Variants in MACROD2 observed in about 807,000 individuals in gnomAD.
The protein encoded by MACROD2 is ADP-ribose glycohydrolase MACROD2.
In MACROD2, 36 loss-of-function variants were observed where a neutral mutation model predicts 70.4. That is an observed-to-expected ratio of 0.51 (90% CI 0.39 to 0.68). MACROD2 has a LOEUF of 0.68. Among genes scored for constraint, MACROD2 ranks in the 30% least tolerant of loss-of-function variants. The pLI is 0.00. For synonymous variants in MACROD2, 172 were observed against 178.8 expected, an observed-to-expected ratio of 0.96 and a Z score of 0.30; for missense variants, 496 against 538.4, an observed-to-expected ratio of 0.92 and a Z score of 0.78.
At chr20:15,999,675 A>G (rs1044423967) in intron 15 of MACROD2, among the ~76,000 whole-genome samples, 2 of 152,240 alleles carry the variant, frequency 1.3e-5, no homozygotes, top group Non-Finnish European at 2.9e-5. Context: ...ATAAATACAT[A>G]CAATTGTACA....
intron 5 of MACROD2, among the ~76,000 whole-genome samples, chr20:14,700,750 G>A (rs2071187657): frequency 6.6e-6 from 1 of 152,148 alleles, no homozygotes; most frequent in African/African-American, 2.4e-5. Context: ...GATGCATGCT[G>A]ATTTGGACTC....
intron 5 of MACROD2, among the ~76,000 whole-genome samples, chr20:14,743,458 C>T (rs867393909): frequency 1.1e-4 from 17 of 152,036 alleles, no homozygotes; most frequent in Non-Finnish European, 1.5e-5. Context: ...AGAGATACAA[C>T]AGTGCTGGCT....
chr20:14,479,049 C>T (rs80051196), intron 3 of MACROD2, among the ~76,000 whole-genome samples: 2,748 of 152,196 alleles, frequency 0.018, 71 homozygotes, highest in African/African-American at 0.062. Flanking sequence ...CCTCCCTCAC[C>T]AGCATCTCCC....
At chr20:14,118,643 C>T (rs900817606) in intron 3 of MACROD2, among the ~76,000 whole-genome samples, 2 of 152,136 alleles carry the variant, frequency 1.3e-5, no homozygotes, top group South Asian at 4.1e-4. Context: ...AGACAACTTA[C>T]ACAGACTTTT....
intron 9 of MACROD2, among the ~76,000 whole-genome samples, chr20:15,864,335 A>G (rs1300417788): frequency 6.6e-6 from 1 of 152,114 alleles, no homozygotes; most frequent in Non-Finnish European, 1.5e-5. Context: ...TGCTAATTAT[A>G]TTTTTAAATG....
intron 6 of MACROD2, among the ~76,000 whole-genome samples, chr20:15,296,348 A>G (rs2077588576): frequency 6.6e-6 from 1 of 152,184 alleles, no homozygotes; most frequent in African/African-American, 2.4e-5. Context: ...AATATGACTT[A>G]AAAGACATCC....
intron 5 of MACROD2, among the ~76,000 whole-genome samples, chr20:15,119,269 G>T (rs975394845): frequency 1.3e-5 from 2 of 152,064 alleles, no homozygotes; most frequent in African/African-American, 4.8e-5. Flanking sequence ...ACTTTATGTT[G>T]TATCTTTTCC....
intron 3 of MACROD2, among the ~76,000 whole-genome samples, chr20:14,292,926 C>T (rs545163881): frequency 1.1e-4 from 17 of 151,984 alleles, no homozygotes; most frequent in African/African-American, 3.4e-4. Context: ...TGAGCCACAG[C>T]GCCTGGCCTC....
chr20:15,307,053 C>G (rs1376924310), intron 6 of MACROD2, among the ~76,000 whole-genome samples: 1 of 152,060 alleles, frequency 6.6e-6, no homozygotes, highest in African/African-American at 2.4e-5. Flanking sequence ...AGGGCACAAA[C>G]TCATCCATAA....
At chr20:14,618,569 T>C (rs1672896291) in intron 4 of MACROD2, among the ~76,000 whole-genome samples, 1 of 152,096 alleles carries the variant, frequency 6.6e-6, no homozygotes, top group South Asian at 2.1e-4. Context: ...CAGTGGCATG[T>C]GGTGTAACGC....
chr20:15,426,423 CA>C lies in MACROD2; in HGVS notation c.541-4981del, dbSNP rs776363906. ...GTAGTGGTGGAATCATGGCTCACTG[CA>C]GCCTCAACATCCTGGGCTCAGGTGA... On this transcript the variant is annotated intron_variant, in intron 6 of 17. Coordinates refer to ENST00000684519, the MANE Select transcript of MACROD2 (RefSeq NM_001351661.2). Among the ~76,000 whole-genome samples the C allele has an allele frequency of 4.7e-3, 716 of 152,148 alleles. 2 individuals carry two copies. The highest frequency in any genetic ancestry group is 0.024 in the Middle Eastern group (7 of 294).
chr20:15,801,046 C>T (rs985506530), intron 8 of MACROD2, among the ~76,000 whole-genome samples: 10 of 150,198 alleles, frequency 6.7e-5, no homozygotes, highest in Non-Finnish European at 1.0e-4. Flanking sequence ...GGGACACAAA[C>T]ACTGCGGAAG....
intron 5 of MACROD2, among the ~76,000 whole-genome samples, chr20:15,068,724 G>A (rs563941469): frequency 6.6e-6 from 1 of 152,266 alleles, no homozygotes; most frequent in East Asian, 1.9e-4. Context: ...ACAGCCAGCA[G>A]AACTGTCAGC....
At chr20:14,018,874 G>A (rs1695128988) in intron 2 of MACROD2, among the ~76,000 whole-genome samples, 1 of 152,182 alleles carries the variant, frequency 6.6e-6, no homozygotes, top group African/African-American at 2.4e-5. Context: ...TTGCAAGGTT[G>A]ACTAGCAAGG....
At chr20:14,136,176 C>T (rs1056599605) in intron 3 of MACROD2, among the ~76,000 whole-genome samples, 2 of 151,884 alleles carry the variant, frequency 1.3e-5, no homozygotes, top group African/African-American at 4.8e-5. Flanking sequence ...AATCCTATTT[C>T]TATATAGTAG....
intron 8 of MACROD2, among the ~76,000 whole-genome samples, chr20:15,626,040 G>C (rs565304249): frequency 6.6e-6 from 1 of 152,114 alleles, no homozygotes; most frequent in Non-Finnish European, 1.5e-5. Context: ...TCCAGTGAGT[G>C]AGGCCGTGTG....
intron 5 of MACROD2, among the ~76,000 whole-genome samples, chr20:15,060,415 C>T (rs1263288942): frequency 1.3e-5 from 2 of 152,160 alleles, no homozygotes; most frequent in Non-Finnish European, 2.9e-5. Context: ...TTACCAAGCA[C>T]GGCCCAAGAC....
chr20:15,373,821 A>G (rs1445430945), intron 6 of MACROD2, among the ~76,000 whole-genome samples: 3 of 152,176 alleles, frequency 2.0e-5, no homozygotes, highest in Non-Finnish European at 4.4e-5. Context: ...ATCCACAAAC[A>G]TTGTATATTT....
At chr20:15,082,257 T>C (rs2075709173) in intron 5 of MACROD2, among the ~76,000 whole-genome samples, 1 of 152,210 alleles carries the variant, frequency 6.6e-6, no homozygotes, top group East Asian at 1.9e-4. Flanking sequence ...CTAAACCGTG[T>C]GTCTGAATCT....
Sources: gnomAD v4.1 joint callset for allele counts (sites outside exome capture counted in the v4.1 genomes callset) on GRCh38, gnomAD v4.1.1 for gene constraint, MANE v1.5 for transcripts, NCBI Gene and HGNC (gene_info 2026-07-23, HGNC 2026-07-21) for gene names.